The following ZNF729 variants were observed in gnomAD, a reference collection of about 807,000 sequenced individuals.
ZNF729 encodes zinc finger protein 729.
Under a neutral mutation model 12.2 loss-of-function variants are expected in ZNF729, and 15 were observed. The ratio of observed to expected loss-of-function variants is 1.23; its 90% confidence interval spans 0.82 to 1.89. The LOEUF (loss-of-function observed/expected upper bound fraction) is 1.89. ZNF729 is among the 40% of genes most tolerant of loss of function. The pLI, the probability that ZNF729 is intolerant of heterozygous loss-of-function variation, is 0.00. For missense variants in ZNF729, 1,540 were observed against 1,456.7 expected (o/e 1.06, Z -0.93); for synonymous variants, 492 against 476.3 (o/e 1.03, Z -0.43).
chr19:22,287,686 C>G (rs1162494400), intron 1 of ZNF729, among the ~76,000 whole-genome samples: 2 of 148,866 alleles, frequency 1.3e-5, no homozygotes, highest in Non-Finnish European at 3.0e-5. Context: ...TTTTTTTTTC[C>G]CTTGCATTTT....
At chr19:22,289,323 T>A (rs1424333570) in intron 1 of ZNF729, among the ~76,000 whole-genome samples, 1 of 151,660 alleles carries the variant, frequency 6.6e-6, no homozygotes, top group East Asian at 1.9e-4. Context: ...TCTCCCAGGT[T>A]CAAGTGATTC....
At chr19:22,311,612 A>G (rs906908823) in intron 3 of ZNF729, among the ~76,000 whole-genome samples, 7 of 152,160 alleles carry the variant, frequency 4.6e-5, no homozygotes, top group African/African-American at 1.7e-4. Flanking sequence ...GGGGCCTATC[A>G]TATGGTCTAT....
At chr19:22,288,495 A>G (rs1968110709) in intron 1 of ZNF729, among the ~76,000 whole-genome samples, 1 of 152,110 alleles carries the variant, frequency 6.6e-6, no homozygotes, top group Admixed American at 6.5e-5. Context: ...TATGTCTGCT[A>G]GAGTGTCTAG....
chr19:22,303,337 C>T (rs549000147), intron 1 of ZNF729, among the ~76,000 whole-genome samples: 5 of 149,680 alleles, frequency 3.3e-5, no homozygotes, highest in Non-Finnish European at 5.9e-5. Flanking sequence ...TCTAGATCTT[C>T]TAAAATAAAT....
At chr19:22,299,274 G>A (rs1199814199) in intron 1 of ZNF729, 1 of 152,196 alleles carries the variant, frequency 6.6e-6, no homozygotes, top group African/African-American at 2.4e-5. Context: ...CTGTCACCCA[G>A]GCTGGAGTGC....
At chr19:22,296,382 A>G (rs1968230325) in intron 1 of ZNF729, among the ~76,000 whole-genome samples, 1 of 152,062 alleles carries the variant, frequency 6.6e-6, no homozygotes, top group Admixed American at 6.6e-5. Context: ...AAATTTATGT[A>G]TTTCTATTAG....
intron 1 of ZNF729, among the ~76,000 whole-genome samples, chr19:22,297,581 T>C (rs539151527): frequency 2.1e-4 from 32 of 152,108 alleles, no homozygotes; most frequent in African/African-American, 7.2e-4. Flanking sequence ...GAACCTCTTA[T>C]TATTCTTTGT....
At chr19:22,291,426 T>C (rs892937236) in intron 1 of ZNF729, among the ~76,000 whole-genome samples, 9 of 152,088 alleles carry the variant, frequency 5.9e-5, no homozygotes, top group African/African-American at 2.2e-4. Context: ...TCCACACCCC[T>C]CGTAGGAATA....
chr19:22,289,407 A>G (rs1968124268), intron 1 of ZNF729, among the ~76,000 whole-genome samples: 1 of 151,628 alleles, frequency 6.6e-6, no homozygotes, highest in Non-Finnish European at 1.5e-5. Context: ...TTGTATTTTT[A>G]ATAGAGATGG....
At position 22,307,778 on chromosome 19, in the gene ZNF729, A is replaced by G. The variant is rs1486711404; in HGVS notation, c.253+2995A>G. Reference sequence around the variant, plus strand: ...AAAGCATATTTTTTTCTTTTATTACATCAAAATTTGGAAAGCTCTGTGTTT... The same window carrying G: ...AAAGCATATTTTTTTCTTTTATTACGTCAAAATTTGGAAAGCTCTGTGTTT... On this transcript the variant is annotated intron_variant, in intron 3 of 3. Coordinates refer to ENST00000601693, the MANE Select transcript of ZNF729 (RefSeq NM_001242680.2). 3.5e-5 allele frequency among the ~76,000 whole-genome samples: 5 copies of G among 143,304 alleles called. No individual in the cohort carries two copies. In the East Asian group the frequency reaches 8.0e-4, roughly 23 times the overall value. The allele number at this position is 143,304 out of a possible 152,430, so 94.0% of individuals were successfully genotyped here. A position where few individuals can be genotyped will look rare whatever the true frequency, so the allele number is the denominator to read the frequency against.
chr19:22,290,439 C>G (rs975663992), intron 1 of ZNF729, among the ~76,000 whole-genome samples: 2 of 152,044 alleles, frequency 1.3e-5, no homozygotes, highest in Non-Finnish European at 2.9e-5. Context: ...GACGAAGTAC[C>G]AACTCTGAGA....
At chr19:22,301,663 G>A (rs185306927) in intron 1 of ZNF729, among the ~76,000 whole-genome samples, 2 of 152,308 alleles carry the variant, frequency 1.3e-5, no homozygotes, top group African/African-American at 4.8e-5. Flanking sequence ...GAGATTTTCA[G>A]ATCTTTTCCA....
intron 3 of ZNF729, among the ~76,000 whole-genome samples, chr19:22,313,302 T>G (rs927980697): frequency 3.3e-5 from 5 of 152,098 alleles, no homozygotes; most frequent in Admixed American, 3.3e-4. Context: ...TCCACTTGCC[T>G]TGGCCTCCAA....
chr19:22,292,170 T>G (rs1349665101), intron 1 of ZNF729, among the ~76,000 whole-genome samples: 2 of 152,206 alleles, frequency 1.3e-5, no homozygotes, highest in Non-Finnish European at 2.9e-5. Context: ...ACACAGGTAT[T>G]ATTTTTCTGA....
chr19:22,305,551 G>A (rs761756774), intron 3 of ZNF729, among the ~76,000 whole-genome samples: 7 of 151,670 alleles, frequency 4.6e-5, no homozygotes, highest in Non-Finnish European at 8.8e-5. Context: ...TAGATTCCTG[G>A]TAAATTGACC....
At chr19:22,297,860 C>G (rs1458817489) in intron 1 of ZNF729, among the ~76,000 whole-genome samples, 1 of 151,844 alleles carries the variant, frequency 6.6e-6, no homozygotes, top group Non-Finnish European at 1.5e-5. Flanking sequence ...AAAAAATTAG[C>G]TCGGCATGGT....
At chr19:22,306,337 G>A (rs966558276) in intron 3 of ZNF729, among the ~76,000 whole-genome samples, 5 of 151,586 alleles carry the variant, frequency 3.3e-5, no homozygotes, top group Non-Finnish European at 7.4e-5. Context: ...TACTCAGGAG[G>A]CTGAGGCAGG....
At chr19:22,302,087 CAGTATA>C (rs1968315015) in intron 1 of ZNF729, among the ~76,000 whole-genome samples, 1 of 152,312 alleles carries the variant, frequency 6.6e-6, no homozygotes, top group African/African-American at 2.4e-5. Flanking sequence ...GCTTCTGTCT[CAGTATA>C]AGAGAAATGA....
At position 22,315,297 on chromosome 19, in the gene ZNF729, C is replaced by T. The variant is rs777769866; in HGVS notation, c.1880C>T (p.Pro627Leu). The T allele has an allele frequency of 9.3e-6, 15 of 1,612,904 alleles. No individual in the cohort carries two copies. The highest frequency in any genetic ancestry group is 5.0e-5 in the Admixed American group (3 of 59,892). The change falls in exon 4 of 4, where the codon CCG (proline) becomes CTG (leucine). Residue 627 changes from proline (P) to leucine (L), a missense_variant. Pro to Leu is a moderately conservative substitution (Grantham distance 98, BLOSUM62 -3). Coordinates refer to ENST00000601693, the MANE Select transcript of ZNF729 (RefSeq NM_001242680.2). Reference protein sequence around the residue: ...KHKIIHTGKKPYKCEECGKAF... With the variant: ...KHKIIHTGKKLYKCEECGKAF... ...AAGATAATTCATACTGGGAAGAAAC[C>T]GTACAAATGTGAAGAATGTGGCAAA...
Sources: allele counts gnomAD v4.1 joint callset (sites outside exome capture counted in the v4.1 genomes callset), GRCh38; gene constraint gnomAD v4.1.1; transcripts MANE v1.5; gene names NCBI Gene and HGNC (gene_info 2026-07-23, HGNC 2026-07-21).